DPP10: variants seen among roughly 807,000 people sequenced by gnomAD.
DPP10 encodes the protein dipeptidyl peptidase like 10.
A neutral mutation model predicts 120.9 loss-of-function variants in DPP10; 33 were observed. The observed-to-expected ratio is 0.27, with a 90% CI of 0.21 to 0.37. DPP10 has a LOEUF of 0.37. Ranked by LOEUF, DPP10 falls within the 10% of genes least tolerant of loss-of-function variation. The pLI is 1.00. For missense variants in DPP10, 816 were observed against 942.8 expected (o/e 0.87, Z 1.76); for synonymous variants, 337 against 326.1 (o/e 1.03, Z -0.36).
At chr2:115,189,533 A>G (rs1271101326) in intron 1 of DPP10, among the ~76,000 whole-genome samples, 1 of 152,226 alleles carries the variant, frequency 6.6e-6, no homozygotes, top group Non-Finnish European at 1.5e-5. Context: ...AGAGCTGAAC[A>G]TACTGACATA....
At chr2:115,526,290 A>G (rs1042020458) in intron 5 of DPP10, 10 of 239,714 alleles carry the variant, frequency 4.2e-5, no homozygotes, top group Admixed American at 2.2e-4. Flanking sequence ...AAGCCTTACC[A>G]TATACTTGAG....
chr2:114,716,732 A>G (rs1701373074), intron 1 of DPP10, among the ~76,000 whole-genome samples: 1 of 152,188 alleles, frequency 6.6e-6, no homozygotes, highest in Non-Finnish European at 1.5e-5. Context: ...GTATTTTAGA[A>G]GTGTAAGGTT....
chr2:115,799,492 C>G (rs142617110), intron 19 of DPP10, among the ~76,000 whole-genome samples: 2,761 of 151,724 alleles, frequency 0.018, 89 homozygotes, highest in African/African-American at 0.061. Flanking sequence ...ATGCAGGTTT[C>G]TTACATATGT....
At chr2:115,588,688 T>G (rs1381088259) in intron 5 of DPP10, among the ~76,000 whole-genome samples, 1 of 152,246 alleles carries the variant, frequency 6.6e-6, no homozygotes, top group Non-Finnish European at 1.5e-5. Context: ...GAATTTGATT[T>G]GTAATTGAGC....
At chr2:114,947,694 T>C (rs1192758294) in intron 1 of DPP10, among the ~76,000 whole-genome samples, 3 of 152,050 alleles carry the variant, frequency 2.0e-5, no homozygotes, top group African/African-American at 7.2e-5. Flanking sequence ...CAAAGAGGGC[T>C]TTAGTTAGAT....
At chr2:115,768,427 GT>G in intron 13 of DPP10, 23 bp downstream of exon 13, 1 of 1,601,462 alleles carries the variant, frequency 6.2e-7, no homozygotes, top group Non-Finnish European at 8.5e-7. Context: ...TTTTTTCCAT[GT>G]TTTGATTTCA....
intron 1 of DPP10, among the ~76,000 whole-genome samples, chr2:115,205,792 C>T (rs1206967556): frequency 1.3e-5 from 2 of 152,114 alleles, no homozygotes; most frequent in Non-Finnish European, 2.9e-5. Context: ...AAATCAAATA[C>T]TGCGTGTTCT....
intron 1 of DPP10, among the ~76,000 whole-genome samples, chr2:114,457,701 T>C (rs1429969491): frequency 6.6e-6 from 1 of 152,184 alleles, no homozygotes; most frequent in Non-Finnish European, 1.5e-5. Context: ...TTCTATACCC[T>C]GTCTCTTTTC....
chr2:114,600,236 G>T (rs375440683), intron 1 of DPP10, among the ~76,000 whole-genome samples: 1 of 151,378 alleles, frequency 6.6e-6, no homozygotes, highest in African/African-American at 2.4e-5. Flanking sequence ...TTCCCTCTCT[G>T]TACTGATTTT....
Position 115,606,677 on chromosome 2 carries a change from T to G in DPP10, c.441+80705T>G, listed in dbSNP as rs1309897638. Among the ~76,000 whole-genome samples, 2 of 152,146 alleles carry G rather than the reference T, an allele frequency of 1.3e-5. 1 individual carries two copies. Among genetic ancestry groups the G allele is most frequent in the African/African-American group, 4.8e-5 (2 of 41,440 alleles). The stretch of plus-strand genomic sequence containing the variant: ...AGCGTTCATCTATTCCTTAGACTTG[T>G]TGCTGCTATCACAGAAGTCAAAGTT... On this transcript the variant is annotated intron_variant, in intron 5 of 25. Coordinates refer to ENST00000410059, the MANE Select transcript of DPP10 (RefSeq NM_020868.6).
chr2:114,676,921 A>G (rs1378308668), intron 1 of DPP10, among the ~76,000 whole-genome samples: 2 of 152,116 alleles, frequency 1.3e-5, no homozygotes, highest in African/African-American at 4.8e-5. Context: ...TTATGGACAG[A>G]GCACTTTAAA....
At chr2:115,502,556 T>C (rs753834365) in intron 4 of DPP10, among the ~76,000 whole-genome samples, 6 of 152,186 alleles carry the variant, frequency 3.9e-5, no homozygotes, top group Non-Finnish European at 8.8e-5. Context: ...ATAATCTGAA[T>C]ATCACCAGTG....
intron 5 of DPP10, among the ~76,000 whole-genome samples, chr2:115,684,350 G>A (rs540490963): frequency 5.2e-4 from 79 of 151,752 alleles, no homozygotes; most frequent in Middle Eastern, 6.8e-3. Flanking sequence ...CTTTTGAAAC[G>A]ACAAAGTCAC....
At chr2:115,053,413 A>G (rs1190153741) in intron 1 of DPP10, among the ~76,000 whole-genome samples, 2 of 152,238 alleles carry the variant, frequency 1.3e-5, no homozygotes, top group Admixed American at 1.3e-4. Context: ...TCCAGAATAA[A>G]TAGACAAATT....
At chr2:114,890,304 T>TAGTTGGG (rs1417083527) in intron 1 of DPP10, among the ~76,000 whole-genome samples, 3 of 152,098 alleles carry the variant, frequency 2.0e-5, no homozygotes, top group African/African-American at 7.2e-5. Context: ...AAATAGGAGA[T>TAGTTGGG]AGTTGGGGAA....
At chr2:115,551,871 T>C (rs1251774589) in intron 5 of DPP10, among the ~76,000 whole-genome samples, 1 of 152,086 alleles carries the variant, frequency 6.6e-6, no homozygotes, top group Non-Finnish European at 1.5e-5. Context: ...TCAAACACAG[T>C]TGGTTAAAAA....
In DPP10 at chr2:114,914,690, T is replaced by C. The variant is rs545520756; in HGVS notation, c.61-394549T>C. ...GCAACAGAAAGACAGGATCAAATCCTCACATATCAACATTAACCTTAAACC... is the reference window on the plus strand; with the variant it reads ...GCAACAGAAAGACAGGATCAAATCCCCACATATCAACATTAACCTTAAACC... On this transcript the variant is annotated intron_variant, in intron 1 of 25. Transcript: ENST00000410059. Among the ~76,000 whole-genome samples the C allele has an allele frequency of 1.2e-4, 18 of 152,288 alleles. No homozygotes were observed. The South Asian group carries it at 3.5e-3, about 30-fold the overall frequency.
Position 114,783,287 on chromosome 2 carries a change from G to C in DPP10, c.60+340449G>C, listed in dbSNP as rs528822945. Reference sequence around the variant, plus strand: ...AAAGAAATGTAACCTAGAAACAAATGATAAATAAAATGACAGCAAATATGC... The same window carrying C: ...AAAGAAATGTAACCTAGAAACAAATCATAAATAAAATGACAGCAAATATGC... On this transcript the variant is annotated intron_variant, in intron 1 of 25. Transcript: ENST00000410059. 6.8e-4 allele frequency among the ~76,000 whole-genome samples: 104 copies of C among 152,136 alleles called. 2 individuals are homozygous for C. The highest frequency in any genetic ancestry group is 1.0e-3 in the Admixed American group (16 of 15,288).
intron 1 of DPP10, among the ~76,000 whole-genome samples, chr2:115,169,438 TACAC>T (rs1218597491): frequency 1.3e-5 from 2 of 149,274 alleles, no homozygotes; most frequent in South Asian, 2.1e-4. Flanking sequence ...ATACACACTA[TACAC>T]ACACATATAT....
Sources: allele counts gnomAD v4.1 joint callset (sites outside exome capture counted in the v4.1 genomes callset), GRCh38; gene constraint gnomAD v4.1.1; transcripts MANE v1.5; gene names NCBI Gene and HGNC (gene_info 2026-07-23, HGNC 2026-07-21).